Variants in LYST observed in about 807,000 individuals in gnomAD.
LYST encodes the protein lysosomal-trafficking regulator.
In LYST, 192 loss-of-function variants were observed where a neutral mutation model predicts 413.6. The observed-to-expected ratio is 0.46, with a 90% CI of 0.41 to 0.52. The LOEUF (loss-of-function observed/expected upper bound fraction) is 0.52, where lower values mean the gene tolerates loss of function less well. LYST is among the 20% of genes least tolerant of loss of function. The probability of loss-of-function intolerance (pLI) is 0.00; values close to 1 mark genes in which losing one functional copy is unlikely to be tolerated. For synonymous variants in LYST, 1,525 were observed against 1,567.3 expected (o/e 0.97, Z 0.64); for missense variants, 3,815 against 4,499.9 (o/e 0.85, Z 4.35).
chr1:235,683,317 T>C (rs1260883870), intron 48 of LYST, among the ~76,000 whole-genome samples: 1 of 152,236 alleles, frequency 6.6e-6, no homozygotes, highest in East Asian at 1.9e-4. Flanking sequence ...TGCACACATA[T>C]TCTTCTGCCA....
intron 46 of LYST, among the ~76,000 whole-genome samples, chr1:235,695,471 C>T (rs565108512): frequency 8.5e-5 from 13 of 152,184 alleles, no homozygotes; most frequent in East Asian, 7.7e-4. Flanking sequence ...GTAATTTGAG[C>T]GAACATAGCT....
At position 235,664,707 on chromosome 1, in the gene LYST, G is replaced by T; in HGVS notation, c.11039-86C>A. 8.3e-7 allele frequency: 1 copy of T among 1,199,430 alleles called. No individual in the cohort carries two copies. Among genetic ancestry groups the T allele is most frequent in the Non-Finnish European group, 1.2e-6 (1 of 810,978 alleles). 74.3% of individuals were successfully genotyped at this position (1,199,430 alleles called of 1,614,324 possible). On this transcript the variant is annotated intron_variant, in intron 50 of 52. Coordinates refer to ENST00000389793, the MANE Select transcript of LYST (RefSeq NM_000081.4). This position sits in a 1 kb window ranked among gnomAD's most constrained non-coding sequence, Gnocchi z 4.5. Reference sequence around the variant, plus strand: ...GGCCCCAGAAGGGCAACCCTGAAGGGCAAGCTCATTTGTTTATTGATGAAG... The same window carrying T: ...GGCCCCAGAAGGGCAACCCTGAAGGTCAAGCTCATTTGTTTATTGATGAAG...
chr1:235,857,094 C>T lies in LYST; in HGVS notation c.-98+9749G>A, dbSNP rs147926799. 1.8e-3 allele frequency among the ~76,000 whole-genome samples: 281 copies of T among 151,996 alleles called. 1 individual carries two copies. The highest frequency in any genetic ancestry group is 6.0e-3 in the African/African-American group (247 of 41,470). ...CTCAGTAGCTGGGATTACAGGTGTG[C>T]GTCACCACACCTAGCTAATTTTTTG... On this transcript the variant is annotated intron_variant, in intron 1 of 52. Transcript: ENST00000389793.
In LYST at chr1:235,674,597, A is replaced by G. The variant is rs577568111; in HGVS notation, c.11038+2494T>C. ...GGATAAATTACGTTTATTATAATCA[A>G]CAGTGGTTTGCTAACTATACTAGGG... On this transcript the variant is annotated intron_variant, in intron 50 of 52. Coordinates refer to ENST00000389793, the MANE Select transcript of LYST (RefSeq NM_000081.4). The surrounding 1 kb of genome is among the most constrained non-coding windows in gnomAD (Gnocchi z 4.1). Among the ~76,000 whole-genome samples the G allele has an allele frequency of 8.0e-4, 122 of 152,304 alleles. 1 individual carries two copies. The highest frequency in any genetic ancestry group is 2.9e-3 in the African/African-American group (120 of 41,576).
At chr1:235,833,415 T>C (rs1303974200) in intron 2 of LYST, among the ~76,000 whole-genome samples, 163 bp downstream of exon 2, 3 of 152,162 alleles carry the variant, frequency 2.0e-5, no homozygotes, top group South Asian at 4.1e-4. Context: ...TAAACCATCA[T>C]GCAATATACC....
rs1487958777 is a variant in LYST at position 235,737,152 on chromosome 1, A to AAT, written c.8359-2495_8359-2494dup. ...TACAGTATTTTCACTGTATAACCATAATAGTATGCTAAGAAAAAAAGAACC... is the reference window on the plus strand; with the variant it reads ...TACAGTATTTTCACTGTATAACCATAATATAGTATGCTAAGAAAAAAAGAACC... On this transcript the variant is annotated intron_variant, in intron 31 of 52. Transcript: ENST00000389793. 3 of 152,296 alleles carry AAT rather than the reference A, an allele frequency of 2.0e-5. No homozygotes were observed. The East Asian group carries it at 5.8e-4, about 29-fold the overall frequency. The allele number at this position is 152,296 out of a possible 1,614,324, so 9.4% of individuals were successfully genotyped here.
intron 48 of LYST, among the ~76,000 whole-genome samples, chr1:235,679,936 T>C (rs917918906): frequency 6.6e-6 from 1 of 152,138 alleles, no homozygotes; most frequent in East Asian, 1.9e-4. Context: ...TTTACCTCTC[T>C]GGCTTGGTAG....
intron 3 of LYST, among the ~76,000 whole-genome samples, 166 bp from the exon 4 acceptor site, chr1:235,813,227 T>C (rs2102907024): frequency 6.6e-6 from 1 of 152,352 alleles, no homozygotes; most frequent in African/African-American, 2.4e-5. Flanking sequence ...GCTGTGATAC[T>C]TTTAAGTTTA....
chr1:235,730,654 T>G (rs2103208033), intron 36 of LYST, among the ~76,000 whole-genome samples, 193 bp downstream of exon 36: 1 of 150,396 alleles, frequency 6.6e-6, no homozygotes, highest in African/African-American at 2.4e-5. Context: ...ATGACTGAAA[T>G]CCCATGAACT....
chr1:235,733,878 CCTT>C lies in LYST; in HGVS notation c.8561_8563del (p.Glu2854del). 1.9e-6 allele frequency: 3 copies of C among 1,594,914 alleles called. No homozygotes were observed. Among genetic ancestry groups the C allele is most frequent in the Non-Finnish European group, 2.6e-6 (3 of 1,163,032 alleles). On this transcript the variant is annotated inframe_deletion, in exon 33 of 53. Transcript: ENST00000389793. Reference sequence around the variant, plus strand: ...TTTCTGCCAAGCAGCTTTATTCACTCCTTCTTCAGTTTCATATTTCTTTTGTTC... The same window carrying C: ...TTTCTGCCAAGCAGCTTTATTCACTCCTTCAGTTTCATATTTCTTTTGTTC...
intron 12 of LYST, among the ~76,000 whole-genome samples, chr1:235,789,502 T>A (rs1460311511): frequency 6.6e-6 from 1 of 152,174 alleles, no homozygotes; most frequent in Non-Finnish European, 1.5e-5. Flanking sequence ...TGTATGATGA[T>A]CTACTTGTCA....
intron 3 of LYST, among the ~76,000 whole-genome samples, chr1:235,826,609 C>T (rs1360097495): frequency 6.6e-6 from 1 of 152,094 alleles, no homozygotes; most frequent in Non-Finnish European, 1.5e-5. Context: ...AAAGGCATGA[C>T]AAAACTTTCT....
chr1:235,867,117 G>A (rs934545480), upstream of LYST, among the ~76,000 whole-genome samples: 7 of 152,220 alleles, frequency 4.6e-5, no homozygotes, highest in Non-Finnish European at 8.8e-5. Flanking sequence ...GAGCCAATAG[G>A]GAAGGCAGGG....
chr1:235,763,095 T>C (rs1667754547), intron 21 of LYST, among the ~76,000 whole-genome samples: 1 of 152,200 alleles, frequency 6.6e-6, no homozygotes, highest in Non-Finnish European at 1.5e-5. Flanking sequence ...TAATTCCAAC[T>C]GTACTTATAG....
chr1:235,719,339 A>C (rs1418911842), intron 40 of LYST, among the ~76,000 whole-genome samples: 3 of 152,176 alleles, frequency 2.0e-5, no homozygotes, highest in Non-Finnish European at 4.4e-5. Flanking sequence ...CCTTTTGACA[A>C]GACCATATTA....
At chr1:235,743,146 T>C (rs772464320) in intron 30 of LYST, among the ~76,000 whole-genome samples, 22 of 152,330 alleles carry the variant, frequency 1.4e-4, no homozygotes, top group Non-Finnish European at 3.1e-4. Context: ...GGGTTTACCA[T>C]AGAGTATTCC....
At chr1:235,776,550 G>C (rs1669258021) in intron 17 of LYST, among the ~76,000 whole-genome samples, 1 of 152,116 alleles carries the variant, frequency 6.6e-6, no homozygotes, top group Non-Finnish European at 1.5e-5. Context: ...AGCAATCCCT[G>C]AAATAGTCTA....
At chr1:235,716,147 A>T (rs1371769194) in intron 41 of LYST, among the ~76,000 whole-genome samples, 1 of 152,240 alleles carries the variant, frequency 6.6e-6, no homozygotes. Context: ...GATGAATATG[A>T]GAAAAGTGTT....
chr1:235,869,021 C>T (rs1043636416), upstream of LYST, among the ~76,000 whole-genome samples: 1 of 152,102 alleles, frequency 6.6e-6, no homozygotes, highest in Non-Finnish European at 1.5e-5. Flanking sequence ...AACTAAGCTA[C>T]TGCAGTATGT....
Sources: allele counts gnomAD v4.1 joint callset (sites outside exome capture counted in the v4.1 genomes callset), GRCh38; gene constraint gnomAD v4.1.1; non-coding constraint Gnocchi (gnomAD v3.1); transcripts MANE v1.5; gene names NCBI Gene and HGNC (gene_info 2026-07-23, HGNC 2026-07-21).